The following USF2 variants were observed in gnomAD, a reference collection of about 807,000 sequenced individuals.
The protein encoded by USF2 is upstream stimulatory factor 2.
A neutral mutation model predicts 46.9 loss-of-function variants in USF2; 16 were observed. That is an observed-to-expected ratio of 0.34 (90% CI 0.23 to 0.52). The LOEUF is 0.52. Among genes scored for constraint, USF2 ranks in the 20% least tolerant of loss-of-function variants. The probability of loss-of-function intolerance (pLI) is 0.96; values close to 1 mark genes in which losing one functional copy is unlikely to be tolerated. For synonymous variants in USF2, 239 were observed against 194.1 expected, an observed-to-expected ratio of 1.23 and a Z score of -1.92; for missense variants, 411 against 474.0, an observed-to-expected ratio of 0.87 and a Z score of 1.23.
intron 8 of USF2, 58 bp downstream of exon 8, chr19:35,278,850 A>G: frequency 6.2e-7 from 1 of 1,610,780 alleles, no homozygotes; most frequent in Non-Finnish European, 8.5e-7. Context: ...CCTTGCATGC[A>G]GAAAGTCCAA....
In USF2 at chr19:35,279,385, A is replaced by G. The variant is rs967649563; in HGVS notation, c.*129A>G. The G allele has an allele frequency of 2.6e-5, 28 of 1,056,850 alleles. No individual in the cohort carries two copies. Among genetic ancestry groups the G allele is most frequent in the Non-Finnish European group, 3.5e-5 (27 of 774,902 alleles). 65.5% of individuals were successfully genotyped at this position (1,056,850 alleles called of 1,614,324 possible). A position where few individuals can be genotyped will look rare whatever the true frequency, so the allele number is the denominator to read the frequency against. ...TTTTTTTATAGTAGATTTTTAACAAAAAACGGGGAGAAATAATGCATTTCT... is the reference window on the plus strand; with the variant it reads ...TTTTTTTATAGTAGATTTTTAACAAGAAACGGGGAGAAATAATGCATTTCT... On this transcript the variant is annotated 3_prime_UTR_variant, in exon 10 of 10. Transcript: ENST00000222305.
Position 35,269,902 on chromosome 19 carries a change from G to A in USF2, c.328G>A (p.Gly110Arg). 7.2e-7 allele frequency: 1 copy of A among 1,389,328 alleles called. No individual in the cohort carries two copies. Among genetic ancestry groups the A allele is most frequent in the Non-Finnish European group, 9.3e-7 (1 of 1,080,406 alleles). The allele number at this position is 1,389,328 out of a possible 1,614,324, so 86.1% of individuals were successfully genotyped here. Residue 110 changes from glycine to arginine, a missense_variant, in exon 4 of 10, where the codon GGG (glycine) becomes AGG (arginine). Gly to Arg is a moderately radical substitution (Grantham distance 125, BLOSUM62 -2). Transcript: ENST00000222305. ...CGTGTCCACCGCTGCCTTCGCGGGG[G>A]GGCAGCAGGCTGTGACCCAGGTGGG... ...SVVSTAAFAG[G>R]QQAVTQVGVD...
Position 35,269,929 on chromosome 19 carries a change from G to A in USF2, c.355G>A (p.Val119Met), listed in dbSNP as rs1027383711. The A allele has an allele frequency of 1.8e-5, 25 of 1,364,416 alleles. No individual in the cohort carries two copies. The highest frequency in any genetic ancestry group is 2.3e-5 in the Non-Finnish European group (25 of 1,067,226). 84.5% of individuals were successfully genotyped at this position (1,364,416 alleles called of 1,614,324 possible). A position where few individuals can be genotyped will look rare whatever the true frequency, so the allele number is the denominator to read the frequency against. The change falls in exon 4 of 10, where the codon GTG becomes ATG. Residue 119 changes from valine (V) to methionine (M), a missense_variant. Physicochemically the swap from Val to Met is conservative, Grantham distance 21 (BLOSUM62 1). Transcript: ENST00000222305. ...GGQQAVTQVG[V>M]DGAAQRPGPA... ...GCAGCAGGCTGTGACCCAGGTGGGT[G>A]TGGACGGGGCAGCCCAGCGCCCGGG...
rs569973377 is a variant in USF2, at chr19:35,269,506, G to T, written c.109+14G>T. ...AGCTGCAGGAAGGTGAGTGCTTGCC[G>T]GGCCGGCCGCGCCCGGGGAGGGCTG... On this transcript the variant is annotated intron_variant, in intron 2 of 9. Coordinates refer to ENST00000222305, the MANE Select transcript of USF2 (RefSeq NM_003367.4). 3.9e-6 allele frequency: 6 copies of T among 1,544,834 alleles called. No individual in the cohort carries two copies. In the Admixed American group the frequency reaches 9.7e-5, roughly 25 times the overall value.
intron 7 of USF2, among the ~76,000 whole-genome samples, chr19:35,271,703 C>T (rs946014481): frequency 6.6e-6 from 1 of 152,254 alleles, no homozygotes; most frequent in Non-Finnish European, 1.5e-5. Flanking sequence ...TCAGTAGCCA[C>T]TGCAGTGGGC....
intron 5 of USF2, 21 bp from the exon 6 acceptor site, chr19:35,270,696 TA>T: frequency 6.2e-7 from 1 of 1,613,726 alleles, no homozygotes; most frequent in Non-Finnish European, 8.5e-7. Context: ...GCCTTGCCAC[TA>T]ACCCCCCACT....
Position 35,269,504 on chromosome 19 carries a change from C to T in USF2, c.109+12C>T, listed in dbSNP as rs1339775505. On this transcript the variant is annotated intron_variant, in intron 2 of 9. Coordinates refer to ENST00000222305, the MANE Select transcript of USF2 (RefSeq NM_003367.4). Reference sequence around the variant, plus strand: ...CGAGCTGCAGGAAGGTGAGTGCTTGCCGGGCCGGCCGCGCCCGGGGAGGGC... The same window carrying T: ...CGAGCTGCAGGAAGGTGAGTGCTTGTCGGGCCGGCCGCGCCCGGGGAGGGC... 53 of 1,544,202 alleles carry T rather than the reference C, an allele frequency of 3.4e-5. No homozygotes were observed. Among genetic ancestry groups the T allele is most frequent in the Non-Finnish European group, 4.2e-5 (48 of 1,150,430 alleles).
chr19:35,269,202 C>T, intron 1 of USF2, 39 bp downstream of exon 1: 6 of 980,336 alleles, frequency 6.1e-6, no homozygotes, highest in Non-Finnish European at 7.2e-6. Flanking sequence ...GCGCCCCGGC[C>T]CCGGCCCCGG....
chr19:35,278,615 T>C (rs34832786), intron 7 of USF2, 83 bp from the exon 8 acceptor site: 311,516 of 1,427,868 alleles, frequency 0.22, 35,859 homozygotes, highest in Middle Eastern at 0.25. Flanking sequence ...TGGGTGTCCT[T>C]GGGCTGAGCC....
intron 7 of USF2, chr19:35,275,737 A>C (rs1023505714): frequency 7.9e-5 from 12 of 152,002 alleles, no homozygotes; most frequent in Non-Finnish European, 1.6e-4. Context: ...ATTGATTTTT[A>C]ATTTAGTTCT....
chr19:35,273,503 A>C (rs1019629816), intron 7 of USF2, among the ~76,000 whole-genome samples: 2 of 152,182 alleles, frequency 1.3e-5, no homozygotes, highest in African/African-American at 4.8e-5. Context: ...GTTTTCCATC[A>C]GCTCTTCAGG....
intron 9 of USF2, 38 bp downstream of exon 9, chr19:35,279,112 C>T (rs1196015963): frequency 1.2e-6 from 2 of 1,613,010 alleles, no homozygotes; most frequent in Admixed American, 3.3e-5. Context: ...GGCCCAGGAG[C>T]CCCAGATGCA....
intron 7 of USF2, among the ~76,000 whole-genome samples, chr19:35,276,302 C>T (rs1309516412): frequency 6.6e-6 from 1 of 152,052 alleles, no homozygotes; most frequent in African/African-American, 2.4e-5. Context: ...AAACTCCTGG[C>T]CTCATGTGAT....
intron 4 of USF2, 150 bp from the exon 5 acceptor site, chr19:35,270,297 G>A (rs1252369582): frequency 1.6e-6 from 2 of 1,240,380 alleles, no homozygotes; most frequent in South Asian, 1.6e-5. Flanking sequence ...TTCCAGGGCT[G>A]TTTGAAACAC....
rs376222224 is a variant in USF2 at position 35,270,820 on chromosome 19, C to T, written c.668+15C>T. On this transcript the variant is annotated intron_variant, in intron 6 of 9. Coordinates refer to ENST00000222305, the MANE Select transcript of USF2 (RefSeq NM_003367.4). ...CCTTACTCTCCGTATGTGCAGGGGACACCTGGAGGGCCTGGTGTTGAAATG... is the reference window on the plus strand; with the variant it reads ...CCTTACTCTCCGTATGTGCAGGGGATACCTGGAGGGCCTGGTGTTGAAATG... 4.8e-5 allele frequency: 78 copies of T among 1,613,768 alleles called. No individual in the cohort carries two copies. The highest frequency in any genetic ancestry group is 1.6e-4 in the Middle Eastern group (1 of 6,084).
chr19:35,278,820 C>T (rs765709493), intron 8 of USF2, 28 bp downstream of exon 8: 8 of 1,611,998 alleles, frequency 5.0e-6, no homozygotes, highest in East Asian at 4.5e-5. Context: ...TCAGTGTCTG[C>T]GGTGGTCCCG....
Position 35,270,436 on chromosome 19 carries a change from C to T in USF2, c.430-11C>T. Reference sequence around the variant, plus strand: ...AAAGCTAAGGGTAGCCTCTGCCCTCCTACTCCCCAGGCTGTGATCCAAAAT... The same window carrying T: ...AAAGCTAAGGGTAGCCTCTGCCCTCTTACTCCCCAGGCTGTGATCCAAAAT... On this transcript the variant is annotated splice_polypyrimidine_tract_variant and intron_variant, in intron 4 of 9. Transcript: ENST00000222305. 6.2e-7 allele frequency: 1 copy of T among 1,609,868 alleles called. No individual in the cohort carries two copies. The highest frequency in any genetic ancestry group is 8.5e-7 in the Non-Finnish European group (1 of 1,178,208).
At chr19:35,269,560 C>G (rs773306983) in intron 2 of USF2, 21 bp from the exon 3 acceptor site, 19 of 1,568,086 alleles carry the variant, frequency 1.2e-5, no homozygotes, top group Admixed American at 1.8e-5. Flanking sequence ...CTGACCGTGC[C>G]CCGACCCTCC....
At chr19:35,270,187 T>G (rs968375229) in intron 4 of USF2, 184 bp downstream of exon 4, 2 of 939,322 alleles carry the variant, frequency 2.1e-6, no homozygotes, top group East Asian at 5.8e-5. Flanking sequence ...CTCTTGGAAT[T>G]TTTTTTTCCC....
Sources: gnomAD v4.1 joint callset for allele counts (sites outside exome capture counted in the v4.1 genomes callset) on GRCh38, gnomAD v4.1.1 for gene constraint, MANE v1.5 for transcripts, NCBI Gene and HGNC (gene_info 2026-07-23, HGNC 2026-07-21) for gene names.